The following KIAA1958 variants were observed in gnomAD, a reference collection of about 807,000 sequenced individuals.
KIAA1958 encodes the protein KIAA1958.
KIAA1958 carries 14 observed loss-of-function variants against 47.2 expected under a neutral mutation model. That is an observed-to-expected ratio of 0.30 (90% CI 0.20 to 0.46). The LOEUF (loss-of-function observed/expected upper bound fraction) is 0.46, where lower values mean the gene tolerates loss of function less well. Ranked by LOEUF, KIAA1958 falls within the 20% of genes least tolerant of loss-of-function variation. The probability of loss-of-function intolerance (pLI) is 1.00; values close to 1 mark genes in which losing one functional copy is unlikely to be tolerated. For synonymous variants in KIAA1958, 354 were observed against 353.3 expected, an observed-to-expected ratio of 1.00 and a Z score of -0.02; for missense variants, 803 against 909.2, an observed-to-expected ratio of 0.88 and a Z score of 1.50.
In KIAA1958 at chr9:112,574,226, G is replaced by A. The variant is rs748491527; in HGVS notation, c.146G>A (p.Gly49Asp). ...GSHGNLTAMW[G>D]CSAGHAYHWP... ...CATGGGAACCTGACAGCAATGTGGGGCTGTAGTGCTGGCCATGCTTATCAC... is the reference window on the plus strand; with the variant it reads ...CATGGGAACCTGACAGCAATGTGGGACTGTAGTGCTGGCCATGCTTATCAC... The change falls in exon 2 of 4, where the codon GGC (glycine) becomes GAC (aspartate). Residue 49 changes from glycine to aspartate, a missense_variant. Physicochemically the swap from Gly to Asp is moderately conservative, Grantham distance 94. This residue lies in a region of KIAA1958 where 42 missense variants were observed against 79.9 expected (regional missense o/e 0.53). Coordinates refer to ENST00000337530, the MANE Select transcript of KIAA1958 (RefSeq NM_133465.4). 6.2e-7 allele frequency: 1 copy of A among 1,614,032 alleles called. No homozygotes were observed. Among genetic ancestry groups the A allele is most frequent in the East Asian group, 2.2e-5 (1 of 44,900 alleles).
chr9:112,546,429 T>G (rs1193700891), intron 1 of KIAA1958, among the ~76,000 whole-genome samples: 1 of 151,922 alleles, frequency 6.6e-6, no homozygotes, highest in African/African-American at 2.4e-5. Flanking sequence ...AATAGCCAAC[T>G]AGCAGCCATC....
chr9:112,650,654 A>G (rs1052120791), intron 3 of KIAA1958, among the ~76,000 whole-genome samples: 8 of 152,190 alleles, frequency 5.3e-5, no homozygotes, highest in East Asian at 3.8e-4. Flanking sequence ...CAAAGAACCA[A>G]TGGAACAAAT....
At chr9:112,590,569 C>G (rs1835904427) in intron 2 of KIAA1958, among the ~76,000 whole-genome samples, 1 of 152,076 alleles carries the variant, frequency 6.6e-6, no homozygotes, top group African/African-American at 2.4e-5. Context: ...CCAGACTGGT[C>G]TTAAACTCCT....
intron 1 of KIAA1958, among the ~76,000 whole-genome samples, chr9:112,564,772 A>G (rs1835399602): frequency 6.6e-6 from 1 of 152,230 alleles, no homozygotes; most frequent in South Asian, 2.1e-4. Flanking sequence ...AATTAACAAC[A>G]TTAATTTATA....
chr9:112,486,978 C>A lies in KIAA1958; in HGVS notation c.-165C>A. ...CCGGGCGCCTTCCCCGCTCCACTTA[C>A]CTTTGGTGCCCGGCCCTCTGGCCGC... On this transcript the variant is annotated 5_prime_UTR_variant, in exon 1 of 4. Transcript: ENST00000337530. 5.6e-6 allele frequency: 1 copy of A among 179,454 alleles called. No individual in the cohort carries two copies. The highest frequency in any genetic ancestry group is 1.0e-4 in the South Asian group (1 of 10,040). 11.1% of individuals were successfully genotyped at this position (179,454 alleles called of 1,614,324 possible).
chr9:112,543,825 G>A (rs1554722632), intron 1 of KIAA1958, among the ~76,000 whole-genome samples: 3 of 151,950 alleles, frequency 2.0e-5, no homozygotes, highest in Non-Finnish European at 2.9e-5. Flanking sequence ...CACCCGCCTC[G>A]GCCTCCCACA....
chr9:112,609,121 CAGAG>C (rs1028007736), intron 2 of KIAA1958, among the ~76,000 whole-genome samples: 1 of 152,136 alleles, frequency 6.6e-6, no homozygotes, highest in Non-Finnish European at 1.5e-5. Flanking sequence ...ACAATGGAAA[CAGAG>C]AGCTTGACAT....
chr9:112,650,096 A>G (rs1262400872), intron 3 of KIAA1958, among the ~76,000 whole-genome samples: 1 of 152,126 alleles, frequency 6.6e-6, no homozygotes, highest in East Asian at 1.9e-4. Context: ...GCAAACCAGG[A>G]GACAATAGAA....
chr9:112,601,072 A>G (rs1484813651), intron 2 of KIAA1958, among the ~76,000 whole-genome samples: 4 of 152,224 alleles, frequency 2.6e-5, no homozygotes, highest in Admixed American at 6.5e-5. Flanking sequence ...ACCATTGGCT[A>G]TGCTACCTGT....
In KIAA1958 at chr9:112,623,998, A is replaced by G. The variant is rs1254804567; in HGVS notation, c.1172-21652A>G. Among the ~76,000 whole-genome samples the G allele has an allele frequency of 3.3e-5, 5 of 152,266 alleles. No individual in the cohort carries two copies. In the East Asian group the frequency reaches 7.7e-4, roughly 24 times the overall value. ...TTATCTATAGGAAAGGTATATTTTG[A>G]TCCTTATTTCTCTAGCCAAAATAAA... On this transcript the variant is annotated intron_variant, in intron 2 of 3. Transcript: ENST00000337530.
intron 2 of KIAA1958, among the ~76,000 whole-genome samples, chr9:112,615,156 T>C (rs762351913): frequency 9.9e-5 from 15 of 152,086 alleles, no homozygotes; most frequent in Non-Finnish European, 2.2e-4. Flanking sequence ...GCATGGTGGC[T>C]CATGCCTGTA....
At chr9:112,492,563 A>G (rs1833987349) in intron 1 of KIAA1958, among the ~76,000 whole-genome samples, 1 of 152,186 alleles carries the variant, frequency 6.6e-6, no homozygotes. Context: ...ATATGTACAT[A>G]CATACCTCAC....
chr9:112,566,152 C>T (rs957109922), intron 1 of KIAA1958, among the ~76,000 whole-genome samples: 1 of 152,004 alleles, frequency 6.6e-6, no homozygotes, highest in Non-Finnish European at 1.5e-5. Flanking sequence ...ATCTGCCCGT[C>T]TTGGCCTCCC....
chr9:112,491,713 T>C (rs1348454812), intron 1 of KIAA1958, among the ~76,000 whole-genome samples: 1 of 152,170 alleles, frequency 6.6e-6, no homozygotes, highest in East Asian at 1.9e-4. Context: ...ACATAACTCT[T>C]TTTAATTCTA....
intron 2 of KIAA1958, among the ~76,000 whole-genome samples, chr9:112,577,389 ATG>A (rs1480537206): frequency 6.6e-6 from 1 of 152,154 alleles, no homozygotes; most frequent in African/African-American, 2.4e-5. Flanking sequence ...ATGAGACAAA[ATG>A]TTATCTTTAT....
intron 2 of KIAA1958, among the ~76,000 whole-genome samples, chr9:112,588,923 G>A (rs925375788): frequency 3.3e-5 from 5 of 151,336 alleles, no homozygotes; most frequent in African/African-American, 9.7e-5. Flanking sequence ...TTAAATTGCT[G>A]AAAATTTCTT....
Position 112,618,538 on chromosome 9 carries a change from G to T in KIAA1958, c.1172-27112G>T. On this transcript the variant is annotated intron_variant, in intron 2 of 3. Coordinates refer to ENST00000337530, the MANE Select transcript of KIAA1958 (RefSeq NM_133465.4). This position sits in a 1 kb window ranked among gnomAD's most constrained non-coding sequence, Gnocchi z 7.1. ...TGTATGCCACCCAGCACGCCCCACA[G>T]ACCTGCCCTGTCCAGGACTATAAGG... The T allele has an allele frequency of 6.4e-7, 1 of 1,550,710 alleles. No individual in the cohort carries two copies. Among genetic ancestry groups the T allele is most frequent in the African/African-American group, 1.4e-5 (1 of 73,194 alleles).
intron 1 of KIAA1958, among the ~76,000 whole-genome samples, chr9:112,497,907 G>A (rs1834071352): frequency 6.6e-6 from 1 of 152,026 alleles, no homozygotes. Context: ...TTATTTTTAA[G>A]TAGTTTTTTT....
chr9:112,657,498 A>T (rs993639743), intron 3 of KIAA1958, among the ~76,000 whole-genome samples: 3 of 152,152 alleles, frequency 2.0e-5, no homozygotes. Context: ...CAAAACTATG[A>T]TGTATATTTA....
Sources: allele counts gnomAD v4.1 joint callset (sites outside exome capture counted in the v4.1 genomes callset), GRCh38; gene constraint gnomAD v4.1.1; regional missense constraint gnomAD v4.1.1; non-coding constraint Gnocchi (gnomAD v3.1); transcripts MANE v1.5; gene names NCBI Gene and HGNC (gene_info 2026-07-23, HGNC 2026-07-21).